The following UGT2B4 variants were observed in gnomAD, a reference collection of about 807,000 sequenced individuals.
UGT2B4 encodes the protein UDP glucuronosyltransferase family 2 member B4.
Under a neutral mutation model 49.8 loss-of-function variants are expected in UGT2B4, and 49 were observed. The observed-to-expected ratio is 0.98, with a 90% CI of 0.78 to 1.25. UGT2B4 has a LOEUF of 1.25. Among genes scored for constraint, UGT2B4 ranks in the 50% most tolerant of loss-of-function variants. The probability of loss-of-function intolerance (pLI) is 0.00; values close to 1 mark genes in which losing one functional copy is unlikely to be tolerated. For synonymous variants in UGT2B4, 246 were observed against 217.7 expected (o/e 1.13, Z -1.14); for missense variants, 729 against 627.7 (o/e 1.16, Z -1.73).
chr4:69,485,517 G>C, intron 4 of UGT2B4, 90 bp from the exon 5 acceptor site: 1 of 1,530,808 alleles, frequency 6.5e-7, no homozygotes, highest in Non-Finnish European at 9.0e-7. Context: ...GTGTTTCCTA[G>C]ATAACACACT....
chr4:69,506,019 G>T (rs935382867), intron 1 of UGT2B4, among the ~76,000 whole-genome samples: 1 of 152,208 alleles, frequency 6.6e-6, no homozygotes, highest in South Asian at 2.1e-4. Context: ...GAAGATCTTT[G>T]AAACTAATGA....
Position 69,485,224 on chromosome 4 carries a change from C to G in UGT2B4, c.1294G>C (p.Val432Leu). The change falls in exon 5 of 6, where the codon GTA (valine) becomes CTA (leucine). Residue 432 changes from valine to leucine, a missense_variant. Physicochemically the swap from Val to Leu is conservative, Grantham distance 32. Transcript: ENST00000305107. The stretch of plus-strand genomic sequence containing the variant: ...TATACTCACAAAGGATCATTAATTA[C>G]TGTCTTCAGTGCATTGAGTAAGTCT... ...STDLLNALKTVINDPLYKENA... is the reference protein window; with the variant it reads ...STDLLNALKTLINDPLYKENA... The G allele has an allele frequency of 1.2e-6, 2 of 1,613,896 alleles. No homozygotes were observed. Among genetic ancestry groups the G allele is most frequent in the Non-Finnish European group, 1.7e-6 (2 of 1,179,884 alleles).
At chr4:69,483,114 A>C (rs1365532803) in intron 5 of UGT2B4, among the ~76,000 whole-genome samples, 1 of 152,194 alleles carries the variant, frequency 6.6e-6, no homozygotes, top group Non-Finnish European at 1.5e-5. Context: ...AAGTGTGTGC[A>C]TAATTATGAT....
At chr4:69,492,974 A>T (rs1728035479) in intron 2 of UGT2B4, among the ~76,000 whole-genome samples, 1 of 152,034 alleles carries the variant, frequency 6.6e-6, no homozygotes, top group African/African-American at 2.4e-5. Flanking sequence ...TTCTTTTCTT[A>T]ACTCTTTTTA....
At chr4:69,502,094 T>TC (rs1728336854) in intron 1 of UGT2B4, among the ~76,000 whole-genome samples, 1 of 81,936 alleles carries the variant, frequency 1.2e-5, no homozygotes, top group African/African-American at 5.7e-5. Flanking sequence ...TTTCTCTCTC[T>TC]TTCTTTCTTT....
chr4:69,500,676 A>G (rs1728297871), upstream of UGT2B4, among the ~76,000 whole-genome samples: 1 of 148,874 alleles, frequency 6.7e-6, no homozygotes, highest in African/African-American at 2.4e-5. Context: ...AAAGGAAGGA[A>G]AGAAAAGAAA....
chr4:69,486,314 G>A (rs1438213928), intron 4 of UGT2B4, among the ~76,000 whole-genome samples: 2 of 152,150 alleles, frequency 1.3e-5, no homozygotes, highest in African/African-American at 4.8e-5. Flanking sequence ...CAGGTGTAAA[G>A]TTGTAGAAAT....
chr4:69,492,770 G>A (rs577375145), intron 2 of UGT2B4, among the ~76,000 whole-genome samples: 1 of 151,998 alleles, frequency 6.6e-6, no homozygotes, highest in African/African-American at 2.4e-5. Context: ...AACACAATAT[G>A]AAGTTAGTCA....
Position 69,505,693 on chromosome 4 carries a change from C to T in UGT2B4, c.-105-9727G>A, listed in dbSNP as rs1421374438. Among the ~76,000 whole-genome samples the T allele has an allele frequency of 2.0e-5, 3 of 152,114 alleles. No homozygotes were observed. The East Asian group carries it at 5.8e-4, about 29-fold the overall frequency. On this transcript the variant is annotated intron_variant, in intron 1 of 1. Coordinates refer to the UGT2B4 transcript ENST00000510114. ...AACTAGCAAATATTTAGGATATGAA[C>T]TCAGCAGTAGATCAAATAAACCTGA...
rs1456188209 is a variant in UGT2B4 at position 69,495,693 on chromosome 4, C to T, written c.169G>A (p.Ala57Thr). 6.2e-7 allele frequency: 1 copy of T among 1,614,006 alleles called. No homozygotes were observed. The highest frequency in any genetic ancestry group is 8.5e-7 in the Non-Finnish European group (1 of 1,179,956). The stretch of plus-strand genomic sequence containing the variant: ...TCGAAAGAAATGGAAGCTGAAGATG[C>T]CAATACAGTCACCTCATGACCTCTC... ...VQRGHEVTVLASSASISFDPN... is the reference protein window; with the variant it reads ...VQRGHEVTVLTSSASISFDPN... The change falls in exon 1 of 6, where the codon GCA becomes ACA. Residue 57 changes from alanine to threonine, a missense_variant. Ala to Thr is a moderately conservative substitution (Grantham distance 58, BLOSUM62 0). Coordinates refer to ENST00000305107, the MANE Select transcript of UGT2B4 (RefSeq NM_021139.3).
chr4:69,512,715 GT>G (rs144380672), intron 1 of UGT2B4, among the ~76,000 whole-genome samples: 1 of 151,688 alleles, frequency 6.6e-6, no homozygotes, highest in African/African-American at 2.4e-5. Flanking sequence ...ACCAGCATCT[GT>G]TTTTTTTTTG....
At chr4:69,489,876 A>T (rs41297391) in intron 2 of UGT2B4, among the ~76,000 whole-genome samples, 218 of 152,228 alleles carry the variant, frequency 1.4e-3, no homozygotes, top group African/African-American at 4.8e-3. Flanking sequence ...TTATCATATT[A>T]TAAGTACTAA....
chr4:69,499,071 C>T (rs375698363), upstream of UGT2B4, among the ~76,000 whole-genome samples: 127 of 152,180 alleles, frequency 8.3e-4, no homozygotes, highest in African/African-American at 2.8e-3. Flanking sequence ...TCTTTTTGTT[C>T]TCACTGGTTT....
At chr4:69,484,372 C>T (rs1442188467) in intron 5 of UGT2B4, among the ~76,000 whole-genome samples, 1 of 152,134 alleles carries the variant, frequency 6.6e-6, no homozygotes, top group East Asian at 1.9e-4. Flanking sequence ...TGGAAACAAT[C>T]AAAAGGTGAA....
intron 1 of UGT2B4, among the ~76,000 whole-genome samples, chr4:69,521,631 A>G (rs1728852092): frequency 6.6e-6 from 1 of 152,146 alleles, no homozygotes; most frequent in African/African-American, 2.4e-5. Context: ...CAGGTGTGGG[A>G]TCCAGGCTGG....
At chr4:69,500,436 A>T (rs1027506161), upstream of UGT2B4, among the ~76,000 whole-genome samples, 4 of 151,520 alleles carry the variant, frequency 2.6e-5, no homozygotes, top group African/African-American at 9.7e-5. Flanking sequence ...AAAATAAATT[A>T]TTAATAAATG....
At chr4:69,499,220 C>A (rs142980874), upstream of UGT2B4, among the ~76,000 whole-genome samples, 420 of 152,140 alleles carry the variant, frequency 2.8e-3, 4 homozygotes, top group African/African-American at 9.2e-3. Context: ...GTGCTGTGGT[C>A]GGAGACACTG....
At chr4:69,523,461 G>C (rs1273224023) in intron 1 of UGT2B4, among the ~76,000 whole-genome samples, 1 of 152,086 alleles carries the variant, frequency 6.6e-6, no homozygotes, top group African/African-American at 2.4e-5. Flanking sequence ...TTGTCATTGA[G>C]AGGTAAAATT....
intron 1 of UGT2B4, among the ~76,000 whole-genome samples, chr4:69,516,966 T>C (rs886693623): frequency 3.3e-5 from 5 of 152,106 alleles, no homozygotes. Flanking sequence ...CCCAATTTCC[T>C]TGGAGTTGTT....
Sources: gnomAD v4.1 joint callset for allele counts (sites outside exome capture counted in the v4.1 genomes callset) on GRCh38, gnomAD v4.1.1 for gene constraint, MANE v1.5 for transcripts, NCBI Gene and HGNC (gene_info 2026-07-23, HGNC 2026-07-21) for gene names.